Variants in MTERF3 observed in about 807,000 individuals in gnomAD.
MTERF3 encodes transcription termination factor 3, mitochondrial.
In MTERF3, 40 loss-of-function variants were observed where a neutral mutation model predicts 40.5. The ratio of observed to expected loss-of-function variants is 0.99; its 90% CI spans 0.77 to 1.29. MTERF3 has a LOEUF of 1.29. Among genes scored for constraint, MTERF3 ranks in the 50% most tolerant of loss-of-function variants. The pLI, the probability that MTERF3 is intolerant of heterozygous loss-of-function variation, is 0.00. For missense variants in MTERF3, 452 were observed against 478.2 expected (o/e 0.95, Z 0.51); for synonymous variants, 158 against 166.6 (o/e 0.95, Z 0.40).
At chr8:96,256,487 C>T (rs1380714277) in intron 3 of MTERF3, among the ~76,000 whole-genome samples, 2 of 151,986 alleles carry the variant, frequency 1.3e-5, no homozygotes, top group Admixed American at 6.5e-5. Flanking sequence ...CTATTACTGC[C>T]GGAAAAATGA....
intron 3 of MTERF3, 110 bp from the exon 4 acceptor site, chr8:96,251,205 G>A: frequency 1.3e-6 from 1 of 752,694 alleles, no homozygotes; most frequent in Non-Finnish European, 2.0e-6. Flanking sequence ...ATCCAAAGGA[G>A]CACTGAGATA....
chr8:96,255,150 T>G (rs536325777), intron 3 of MTERF3, among the ~76,000 whole-genome samples: 2 of 152,140 alleles, frequency 1.3e-5, no homozygotes, highest in Non-Finnish European at 2.9e-5. Flanking sequence ...TGGAAAGATA[T>G]CAGAGCCAAT....
chr8:96,245,778 T>G (rs1810009138), intron 6 of MTERF3, 82 bp downstream of exon 6: 2 of 1,223,458 alleles, frequency 1.6e-6, no homozygotes, highest in Non-Finnish European at 1.2e-6. Context: ...TTCTTTTACA[T>G]GACAATAGCA....
At chr8:96,240,074 CCT>C (rs1480133289) in intron 7 of MTERF3, among the ~76,000 whole-genome samples, 1 of 152,142 alleles carries the variant, frequency 6.6e-6, no homozygotes, top group Non-Finnish European at 1.5e-5. Context: ...ATGGCAAAAC[CCT>C]GTCTCTACTA....
Position 96,257,050 on chromosome 8 carries a change from A to C in MTERF3, c.399T>G (p.Ile133Met), listed in dbSNP as rs201969952. 3.1e-5 allele frequency: 50 copies of C among 1,614,006 alleles called. No individual in the cohort carries two copies. In the Admixed American group the frequency reaches 6.7e-4, roughly 22 times the overall value. ...CTGGTGGCAATGGAGGGTCTGCAAT[A>C]ATCTGAATAGCCTCTTCCTCTGAAA... ...QPISEEEAIQ[I>M]IADPPLPPAS... is the part of the protein sequence containing the mutation. The change falls in exon 3 of 8, where the codon ATT becomes ATG. Residue 133 changes from isoleucine (I) to methionine (M), a missense_variant. By Grantham distance (10) the Ile-to-Met change is conservative. Transcript: ENST00000287025.
rs549182133 is a variant in MTERF3 at position 96,251,093 on chromosome 8, C to T, written c.490G>A (p.Val164Met). 30 of 1,569,080 alleles carry T rather than the reference C, an allele frequency of 1.9e-5. No homozygotes were observed. The highest frequency in any genetic ancestry group is 4.8e-5 in the South Asian group (4 of 83,084). Reference sequence around the variant, plus strand: ...TGTTTTTCTATCTTGGACAAATCCACGCCTATAATAAATTATAAATACTGT... The same window carrying T: ...TGTTTTTCTATCTTGGACAAATCCATGCCTATAATAAATTATAAATACTGT... ...ETLQKLVLLG[V>M]DLSKIEKHPE... Residue 164 changes from valine to methionine, a missense_variant and splice_region_variant, in exon 4 of 8, where the codon GTG becomes ATG. Coordinates refer to ENST00000287025, the MANE Select transcript of MTERF3 (RefSeq NM_015942.5).
In MTERF3 at chr8:96,258,648, C is replaced by G. The variant is rs766159243; in HGVS notation, c.43G>C (p.Val15Leu). 1.2e-6 allele frequency: 2 copies of G among 1,613,142 alleles called. No homozygotes were observed. The highest frequency in any genetic ancestry group is 8.5e-7 in the Non-Finnish European group (1 of 1,179,198). The change falls in exon 2 of 8, where the codon GTT becomes CTT. Residue 15 changes from valine to leucine, a missense_variant. Coordinates refer to ENST00000287025, the MANE Select transcript of MTERF3 (RefSeq NM_015942.5). ...GCATTAATGAGGCTCCTCAACTTAA[C>G]TGAGTTAAACCATCTGGGTATCTGT... ...AQQIPRWFNS[V>L]KLRSLINAAQ...
At chr8:96,239,931 T>C (rs1462161578) in intron 7 of MTERF3, 12 of 661,206 alleles carry the variant, frequency 1.8e-5, no homozygotes, top group East Asian at 8.2e-5. Context: ...GCAAAGAAGA[T>C]TGAGTGCTCC....
In MTERF3 at chr8:96,239,649, G is replaced by A. The variant is rs202146314; in HGVS notation, c.1096C>T (p.His366Tyr). 6.2e-7 allele frequency: 1 copy of A among 1,600,876 alleles called. No homozygotes were observed. Residue 366 changes from histidine to tyrosine, a missense_variant, in exon 8 of 8, where the codon CAC (histidine) becomes TAC (tyrosine). Physicochemically the swap from His to Tyr is moderately conservative, Grantham distance 83. Coordinates refer to ENST00000287025, the MANE Select transcript of MTERF3 (RefSeq NM_015942.5). ...NTRLFKVKER[H>Y]LFLTYLGRAQ... is the part of the protein sequence containing the mutation. Reference sequence around the variant, plus strand: ...CTTCCTAAATAGGTAAGAAACAAGTGTCTTTCTTTGACCTTAAACAGCCTT... The same window carrying A: ...CTTCCTAAATAGGTAAGAAACAAGTATCTTTCTTTGACCTTAAACAGCCTT...
intron 1 of MTERF3, among the ~76,000 whole-genome samples, chr8:96,259,157 AT>A (rs1172775294): frequency 6.6e-6 from 1 of 152,254 alleles, no homozygotes; most frequent in African/African-American, 2.4e-5. Flanking sequence ...ATTCAAATGC[AT>A]TTTATGTATA....
At chr8:96,252,229 G>A (rs1810199222) in intron 3 of MTERF3, among the ~76,000 whole-genome samples, 3 of 151,972 alleles carry the variant, frequency 2.0e-5, no homozygotes, top group Non-Finnish European at 2.9e-5. Context: ...AGAATAATAC[G>A]CACACTCAAT....
rs756646829 is a variant in MTERF3 at position 96,258,583 on chromosome 8, T to C, written c.108A>G (p.Thr36=). ...LTKRFTRPAR[T]LLHGFSAQPQ... is the part of the protein sequence containing the mutation. ...GCTGAGCAGAAAAGCCATGTAACAG[T>C]GTTCTTGCTGGTCTAGTAAAACGTT... Residue 36 remains threonine (T), a synonymous_variant, in exon 2 of 8, where the codon ACA becomes ACG. Transcript: ENST00000287025. The C allele has an allele frequency of 4.3e-6, 7 of 1,614,154 alleles. No homozygotes were observed. The highest frequency in any genetic ancestry group is 5.9e-6 in the Non-Finnish European group (7 of 1,179,992).
intron 7 of MTERF3, among the ~76,000 whole-genome samples, chr8:96,243,687 TGA>T (rs761314057): frequency 2.6e-4 from 39 of 152,110 alleles, no homozygotes; most frequent in Non-Finnish European, 4.0e-4. Flanking sequence ...GAGAAAAACA[TGA>T]GAGAGAAGAG....
chr8:96,247,302 A>C (rs1323393921), intron 4 of MTERF3, among the ~76,000 whole-genome samples: 1 of 152,130 alleles, frequency 6.6e-6, no homozygotes, highest in African/African-American at 2.4e-5. Context: ...GATTTTTACT[A>C]CAGTCTTTCA....
intron 4 of MTERF3, among the ~76,000 whole-genome samples, chr8:96,246,960 C>T (rs1194244223): frequency 6.6e-6 from 1 of 151,694 alleles, no homozygotes; most frequent in African/African-American, 2.4e-5. Context: ...TTACTGAGCC[C>T]CTCCCCTCCC....
In MTERF3 at chr8:96,239,437, T is replaced by C. The variant is rs1021101245; in HGVS notation, c.*54A>G. On this transcript the variant is annotated 3_prime_UTR_variant, in exon 8 of 8. Coordinates refer to ENST00000287025, the MANE Select transcript of MTERF3 (RefSeq NM_015942.5). ...CCCGAGGCATTTAAAAATATATTCA[T>C]TTATTCATATATATATTCACTTTAC... 1.3e-5 allele frequency: 17 copies of C among 1,308,766 alleles called. No homozygotes were observed. The African/African-American group carries it at 2.0e-4, about 15-fold the overall frequency. The allele number at this position is 1,308,766 out of a possible 1,614,324, so 81.1% of individuals were successfully genotyped here.
rs561020211 is a variant in MTERF3, at chr8:96,255,583, G to A, written c.487+1379C>T. 5.3e-5 allele frequency among the ~76,000 whole-genome samples: 8 copies of A among 151,186 alleles called. No homozygotes were observed. In the East Asian group the frequency reaches 1.6e-3, roughly 30 times the overall value. On this transcript the variant is annotated intron_variant, in intron 3 of 7. Coordinates refer to ENST00000287025, the MANE Select transcript of MTERF3 (RefSeq NM_015942.5). ...GAACCTGGGAGGCAGGTTGCAGTGA[G>A]CTGAGATGGTACCACTGTACTCCAG...
At chr8:96,250,682 A>AGAAGAAGAG in intron 4 of MTERF3, among the ~76,000 whole-genome samples, 1 of 25,244 alleles carries the variant, frequency 4.0e-5, no homozygotes, top group Admixed American at 3.7e-4. Context: ...AAGAAGAAGA[A>AGAAGAAGAG]GGAGGAGGAG....
chr8:96,243,769 G>T, intron 7 of MTERF3, 150 bp downstream of exon 7: 1 of 801,214 alleles, frequency 1.2e-6, no homozygotes, highest in Non-Finnish European at 2.0e-6. Context: ...TCCAGGGAAA[G>T]AGACTAATCA....
Sources: gnomAD v4.1 joint callset for allele counts (sites outside exome capture counted in the v4.1 genomes callset) on GRCh38, gnomAD v4.1.1 for gene constraint, MANE v1.5 for transcripts, NCBI Gene and HGNC (gene_info 2026-07-23, HGNC 2026-07-21) for gene names.